ABHD6: variants seen among roughly 807,000 people sequenced by gnomAD.
ABHD6 encodes the protein abhydrolase domain containing 6, acylglycerol lipase.
ABHD6 carries 33 observed loss-of-function variants against 38.8 expected under a neutral mutation model. The observed-to-expected ratio is 0.85, with a 90% confidence interval of 0.64 to 1.14. The LOEUF is 1.14. Ranked by LOEUF, ABHD6 falls within the 50% of genes most tolerant of loss-of-function variation. ABHD6 has a pLI of 0.00. For missense variants in ABHD6, 380 were observed against 422.6 expected (o/e 0.90, Z 0.88); for synonymous variants, 147 against 161.6 (o/e 0.91, Z 0.69).
intron 9 of ABHD6, among the ~76,000 whole-genome samples, chr3:58,286,844 G>GTATACATATATATATATATA (rs1553721712): frequency 2.0e-5 from 1 of 50,050 alleles, no homozygotes; most frequent in Non-Finnish European, 3.7e-5. Context: ...GTGTGTGTGT[G>GTATACATATATATATATATA]TGTGTGTGTA....
At chr3:58,268,944 C>T (rs2097442867) in intron 4 of ABHD6, among the ~76,000 whole-genome samples, 1 of 152,190 alleles carries the variant, frequency 6.6e-6, no homozygotes. Flanking sequence ...AGAACAGAAC[C>T]ATCCCTTCCA....
At chr3:58,292,872 C>G (rs1047666408) in intron 9 of ABHD6, among the ~76,000 whole-genome samples, 2 of 152,138 alleles carry the variant, frequency 1.3e-5, no homozygotes, top group Non-Finnish European at 2.9e-5. Context: ...GTTGAGATCA[C>G]GCCACTTCAT....
chr3:58,293,900 C>A lies in ABHD6; in HGVS notation c.*135C>A. The A allele has an allele frequency of 1.0e-6, 1 of 953,482 alleles. No homozygotes were observed. Among genetic ancestry groups the A allele is most frequent in the Non-Finnish European group, 1.5e-6 (1 of 663,832 alleles). The allele number at this position is 953,482 out of a possible 1,614,324, so 59.1% of individuals were successfully genotyped here. ...GACCCTGAGGAAGCCCGTCCCTTATCCCTGGTATCCACGGTTCCCCAGAGC... is the reference window on the plus strand; with the variant it reads ...GACCCTGAGGAAGCCCGTCCCTTATACCTGGTATCCACGGTTCCCCAGAGC... On this transcript the variant is annotated 3_prime_UTR_variant, in exon 10 of 10. Transcript: ENST00000478253. This position sits in a 1 kb window ranked among gnomAD's most constrained non-coding sequence, Gnocchi z 4.4.
rs149004730 is a variant in ABHD6, at chr3:58,288,752, C to T, written c.837+3299C>T. On this transcript the variant is annotated intron_variant, in intron 9 of 9. Coordinates refer to ENST00000478253, the MANE Select transcript of ABHD6 (RefSeq NM_001320126.2). ...CTGCCCTCCAGCAATTTATCGTCTA[C>T]CTACCCTTATAGTGCATAACAGGCC... Among the ~76,000 whole-genome samples the T allele has an allele frequency of 5.7e-3, 865 of 152,318 alleles. 12 individuals carry two copies. The highest frequency in any genetic ancestry group is 0.02 in the African/African-American group (823 of 41,580).
intron 7 of ABHD6, among the ~76,000 whole-genome samples, chr3:58,284,205 C>G (rs1036919950): frequency 6.6e-6 from 1 of 152,166 alleles, no homozygotes; most frequent in African/African-American, 2.4e-5. Flanking sequence ...AAGATGTGGC[C>G]TGTCCACATT....
chr3:58,261,308 AAAT>A (rs1559775271), intron 3 of ABHD6, among the ~76,000 whole-genome samples: 1 of 152,182 alleles, frequency 6.6e-6, no homozygotes, highest in East Asian at 1.9e-4. Flanking sequence ...AGTCCAAAAA[AAAT>A]CTATAAATAA....
rs2097434018 is a variant in ABHD6 at position 58,257,221 on chromosome 3, A to G, written c.119+516A>G. 6.6e-6 allele frequency among the ~76,000 whole-genome samples: 1 copy of G among 151,638 alleles called. No homozygotes were observed. The highest frequency in any genetic ancestry group is 1.5e-5 in the Non-Finnish European group (1 of 67,902). ...CATACCCGGCCCTTTTAGGTTTCTG[A>G]TAGCATCTTTCTCCACCCACATTCC... On this transcript the variant is annotated intron_variant, in intron 3 of 9. Coordinates refer to ENST00000478253, the MANE Select transcript of ABHD6 (RefSeq NM_001320126.2). The surrounding 1 kb of genome is among the most constrained non-coding windows in gnomAD (Gnocchi z 4.8).
chr3:58,284,631 A>G (rs1006650762), intron 7 of ABHD6, among the ~76,000 whole-genome samples: 3 of 151,874 alleles, frequency 2.0e-5, no homozygotes, highest in Non-Finnish European at 2.9e-5. Context: ...TTGTCTTTTT[A>G]GTAGAGATGG....
Position 58,237,883 on chromosome 3 carries a change from C to G in ABHD6, c.-124C>G, listed in dbSNP as rs1004828749. On this transcript the variant is annotated 5_prime_UTR_variant, in exon 1 of 10. Coordinates refer to ENST00000478253, the MANE Select transcript of ABHD6 (RefSeq NM_001320126.2). Reference sequence around the variant, plus strand: ...GAGACCGAGGGCCGGGGTCCGGGCCCGGCGGCGGGACCCAGGCGGTTGAGG... The same window carrying G: ...GAGACCGAGGGCCGGGGTCCGGGCCGGGCGGCGGGACCCAGGCGGTTGAGG... 1 of 150,952 alleles carries G rather than the reference C, an allele frequency of 6.6e-6. No individual in the cohort carries two copies. Among genetic ancestry groups the G allele is most frequent in the African/African-American group, 2.4e-5 (1 of 41,334 alleles). 9.4% of individuals were successfully genotyped at this position (150,952 alleles called of 1,614,324 possible).
intron 1 of ABHD6, among the ~76,000 whole-genome samples, chr3:58,245,152 A>T (rs1214983354): frequency 6.6e-6 from 1 of 152,140 alleles, no homozygotes; most frequent in East Asian, 1.9e-4. Flanking sequence ...ACTGTAGACC[A>T]ACTTCACCTC....
chr3:58,247,772 A>G (rs971177064), intron 1 of ABHD6, among the ~76,000 whole-genome samples: 1 of 152,052 alleles, frequency 6.6e-6, no homozygotes, highest in African/African-American at 2.4e-5. Context: ...TCAGGGTTTC[A>G]CCGTGTTGGC....
chr3:58,262,193 A>G (rs960764858), intron 3 of ABHD6, among the ~76,000 whole-genome samples: 7 of 152,216 alleles, frequency 4.6e-5, no homozygotes, highest in Non-Finnish European at 1.0e-4. Context: ...ATGAGGAGTT[A>G]ATGTTTAATG....
intron 1 of ABHD6, among the ~76,000 whole-genome samples, chr3:58,247,220 C>T (rs1416524910): frequency 6.6e-6 from 1 of 151,960 alleles, no homozygotes; most frequent in Non-Finnish European, 1.5e-5. Flanking sequence ...CCAGGCTTGT[C>T]TCTAACTCCT....
chr3:58,273,496 C>T lies in ABHD6; in HGVS notation c.524-1162C>T, dbSNP rs771172039. ...AACCCAAATGCCCACCAATGATAAACTGGATAAAGAAAATGTGGCACATAT... is the reference window on the plus strand; with the variant it reads ...AACCCAAATGCCCACCAATGATAAATTGGATAAAGAAAATGTGGCACATAT... On this transcript the variant is annotated intron_variant, in intron 6 of 9. Transcript: ENST00000478253. The surrounding 1 kb of genome is among the most constrained non-coding windows in gnomAD (Gnocchi z 4.8). Among the ~76,000 whole-genome samples, 12 of 152,108 alleles carry T rather than the reference C, an allele frequency of 7.9e-5. No homozygotes were observed. The highest frequency in any genetic ancestry group is 1.5e-4 in the Non-Finnish European group (10 of 68,022).
chr3:58,257,608 C>T lies in ABHD6; in HGVS notation c.119+903C>T, dbSNP rs1001489549. On this transcript the variant is annotated intron_variant, in intron 3 of 9. Coordinates refer to ENST00000478253, the MANE Select transcript of ABHD6 (RefSeq NM_001320126.2). This position sits in a 1 kb window ranked among gnomAD's most constrained non-coding sequence, Gnocchi z 4.8. The stretch of plus-strand genomic sequence containing the variant: ...AAACTCCTGACCTCAAGTGATCCTC[C>T]CACCTCAGCCTCCCAAAGTGCTGGG... Among the ~76,000 whole-genome samples the T allele has an allele frequency of 3.9e-5, 6 of 152,064 alleles. No homozygotes were observed. Among genetic ancestry groups the T allele is most frequent in the African/African-American group, 9.7e-5 (4 of 41,414 alleles).
chr3:58,287,269 G>A lies in ABHD6; in HGVS notation c.837+1816G>A, dbSNP rs577097476. ...ACTGCACACCAGCCTGGGCCACAGGGCGGGATCCTATCTCAAAAAAATAAA... is the reference window on the plus strand; with the variant it reads ...ACTGCACACCAGCCTGGGCCACAGGACGGGATCCTATCTCAAAAAAATAAA... On this transcript the variant is annotated intron_variant, in intron 9 of 9. Transcript: ENST00000478253. The surrounding 1 kb of genome is among the most constrained non-coding windows in gnomAD (Gnocchi z 4.7). Among the ~76,000 whole-genome samples, 9 of 152,158 alleles carry A rather than the reference G, an allele frequency of 5.9e-5. No individual in the cohort carries two copies. The highest frequency in any genetic ancestry group is 1.9e-4 in the East Asian group (1 of 5,150).
At chr3:58,246,869 A>G (rs1310566300) in intron 1 of ABHD6, among the ~76,000 whole-genome samples, 2 of 152,216 alleles carry the variant, frequency 1.3e-5, no homozygotes, top group Admixed American at 1.3e-4. Context: ...ACCTTTGGAC[A>G]GTCATGTGGG....
In ABHD6 at chr3:58,274,788, C is replaced by A. The variant is rs2097447599; in HGVS notation, c.654C>A (p.Ser218=). The A allele has an allele frequency of 6.2e-7, 1 of 1,614,014 alleles. No individual in the cohort carries two copies. Among genetic ancestry groups the A allele is most frequent in the African/African-American group, 1.3e-5 (1 of 74,948 alleles). Residue 218 remains serine (S), a synonymous_variant, in exon 7 of 10, where the codon TCC becomes TCA. Coordinates refer to ENST00000478253, the MANE Select transcript of ABHD6 (RefSeq NM_001320126.2). ...TGAGTGAAATGCTTCAGCTCTGCTC[C>A]TATGTCCGCTTCAAGGTGCCCCAGC... ...EEMSEMLQLC[S]YVRFKVPQQI... is the part of the protein sequence containing the mutation.
chr3:58,285,073 A>G lies in ABHD6; in HGVS notation c.682-12A>G. 1 of 1,613,812 alleles carries G rather than the reference A, an allele frequency of 6.2e-7. No individual in the cohort carries two copies. Among genetic ancestry groups the G allele is most frequent in the Non-Finnish European group, 8.5e-7 (1 of 1,179,734 alleles). ...TTCTCTTGCTCTCTAACTTTGGGTTATTTATCCTTAGATCCTGCAAGGCCT... is the reference window on the plus strand; with the variant it reads ...TTCTCTTGCTCTCTAACTTTGGGTTGTTTATCCTTAGATCCTGCAAGGCCT... On this transcript the variant is annotated splice_polypyrimidine_tract_variant and intron_variant, in intron 7 of 9. Transcript: ENST00000478253. The surrounding 1 kb of genome is among the most constrained non-coding windows in gnomAD (Gnocchi z 4.9).
Sources: gnomAD v4.1 joint callset for allele counts (sites outside exome capture counted in the v4.1 genomes callset) on GRCh38, gnomAD v4.1.1 for gene constraint, Gnocchi (gnomAD v3.1) non-coding constraint, MANE v1.5 for transcripts, NCBI Gene and HGNC (gene_info 2026-07-23, HGNC 2026-07-21) for gene names.